FGD3: variants seen among roughly 807,000 people sequenced by gnomAD.
The protein encoded by FGD3 is FYVE, RhoGEF and PH domain containing 3, also known as FYVE, RhoGEF and PH domain-containing protein 3.
FGD3 carries 45 observed loss-of-function variants against 71.8 expected under a neutral mutation model. The ratio of observed to expected loss-of-function variants is 0.63; its 90% CI spans 0.49 to 0.80. The LOEUF (loss-of-function observed/expected upper bound fraction) is 0.80, where lower values mean the gene tolerates loss of function less well. Ranked by LOEUF, FGD3 falls within the 30% of genes least tolerant of loss-of-function variation. FGD3 has a pLI of 0.00. For missense variants in FGD3, 844 were observed against 951.5 expected, an observed-to-expected ratio of 0.89 and a Z score of 1.49; for synonymous variants, 378 against 392.8, an observed-to-expected ratio of 0.96 and a Z score of 0.44.
Position 92,976,358 on chromosome 9 carries a change from G to A in FGD3, c.102G>A (p.Ala34=), listed in dbSNP as rs542375749. The part of the protein sequence containing the change: ...PGSSSLGKLQ[A]LPVGPRAHCG... ...GTTCCTCCCTAGGGAAGCTTCAGGC[G>A]CTCCCTGTTGGGCCCAGAGCCCACT... The change falls in exon 3 of 18, where the codon GCG becomes GCA. Residue 34 remains alanine, a synonymous_variant. Coordinates refer to ENST00000375482, the MANE Select transcript of FGD3 (RefSeq NM_001083536.2). The A allele has an allele frequency of 2.0e-5, 33 of 1,610,332 alleles. No homozygotes were observed. The East Asian group carries it at 2.2e-4, about 11-fold the overall frequency.
At chr9:93,027,623 C>G (rs1043364836) in intron 14 of FGD3, among the ~76,000 whole-genome samples, 1 of 152,058 alleles carries the variant, frequency 6.6e-6, no homozygotes, top group African/African-American at 2.4e-5. Context: ...ATAGTTCAGC[C>G]CATCACAGCC....
chr9:93,007,311 C>G (rs537979819), intron 6 of FGD3, among the ~76,000 whole-genome samples: 1 of 151,718 alleles, frequency 6.6e-6, no homozygotes, highest in East Asian at 1.9e-4. Context: ...CAGGATGTCT[C>G]GATTTCCTGA....
intron 17 of FGD3, among the ~76,000 whole-genome samples, chr9:93,034,959 G>A (rs1258345917): frequency 6.6e-6 from 1 of 152,124 alleles, no homozygotes; most frequent in Non-Finnish European, 1.5e-5. Context: ...CCTGTCAGGG[G>A]AGACTCAGGA....
intron 3 of FGD3, among the ~76,000 whole-genome samples, chr9:92,983,154 C>A (rs569968342): frequency 5.3e-5 from 8 of 152,092 alleles, no homozygotes; most frequent in Non-Finnish European, 1.0e-4. Flanking sequence ...GACAAAAAGT[C>A]TTATGGTGCC....
At chr9:93,001,993 A>G (rs1276597487) in intron 3 of FGD3, among the ~76,000 whole-genome samples, 1 of 152,128 alleles carries the variant, frequency 6.6e-6, no homozygotes, top group African/African-American at 2.4e-5. Context: ...ATGTGAGGGG[A>G]TAGTGTTCAG....
intron 14 of FGD3, among the ~76,000 whole-genome samples, chr9:93,028,218 G>GCACACACACACACGCACA (rs1862204076): frequency 1.4e-5 from 2 of 141,052 alleles, no homozygotes; most frequent in Non-Finnish European, 3.1e-5. Flanking sequence ...ACACACACAC[G>GCACACACACACACGCACA]CACACACACA....
chr9:92,992,097 C>T (rs915765146), intron 3 of FGD3, among the ~76,000 whole-genome samples: 1 of 152,090 alleles, frequency 6.6e-6, no homozygotes, highest in Non-Finnish European at 1.5e-5. Flanking sequence ...GTTTGTTAAT[C>T]CATTCAGCTA....
Position 93,003,958 on chromosome 9 carries a change from TG to T in FGD3, c.544-41del. On this transcript the variant is annotated intron_variant, in intron 4 of 17. Transcript: ENST00000375482. The surrounding 1 kb of genome is among the most constrained non-coding windows in gnomAD (Gnocchi z 4.1). ...GAAGCGGGGCGGCAACTGTGCTCAG[TG>T]GAAGAGGCTCACTGGCCACACGTGG... The T allele has an allele frequency of 6.2e-7, 1 of 1,611,484 alleles. No homozygotes were observed. The highest frequency in any genetic ancestry group is 1.1e-5 in the South Asian group (1 of 91,042).
intron 1 of FGD3, among the ~76,000 whole-genome samples, chr9:92,956,634 T>G (rs1175210434): frequency 6.6e-6 from 1 of 152,132 alleles, no homozygotes; most frequent in Non-Finnish European, 1.5e-5. Context: ...CCTCCTGGAA[T>G]GTGAGAAAGT....
intron 13 of FGD3, among the ~76,000 whole-genome samples, chr9:93,021,853 G>A (rs1861930446): frequency 6.6e-6 from 1 of 152,230 alleles, no homozygotes; most frequent in South Asian, 2.1e-4. Flanking sequence ...TGCCTTGAGT[G>A]GAGGTGACCT....
chr9:92,989,821 G>A (rs1860332637), intron 3 of FGD3, among the ~76,000 whole-genome samples: 1 of 151,764 alleles, frequency 6.6e-6, no homozygotes, highest in Admixed American at 6.6e-5. Context: ...AAAAGGAAAG[G>A]CAGTTTCTTG....
chr9:93,005,942 C>A (rs1861033162), intron 5 of FGD3, 82 bp from the exon 6 acceptor site: 8 of 1,477,140 alleles, frequency 5.4e-6, no homozygotes, highest in African/African-American at 1.4e-5. Context: ...ACCCCACACC[C>A]CCCTGGTGGA....
At position 93,035,548 on chromosome 9, in the gene FGD3, G is replaced by C; in HGVS notation, c.2137G>C (p.Ala713Pro). Reference protein sequence around the residue: ...HGDTAQDSPGALQLQVPMGAA... With the variant: ...HGDTAQDSPGPLQLQVPMGAA... The stretch of plus-strand genomic sequence containing the variant: ...GGACACGGCCCAGGACAGCCCGGGG[G>C]CCCTGCAGCTTCAGGTCCCTATGGG... Residue 713 changes from alanine to proline, a missense_variant, in exon 18 of 18, where the codon GCC (alanine) becomes CCC (proline). Ala to Pro is a conservative substitution (Grantham distance 27, BLOSUM62 -1). Transcript: ENST00000375482. 6.2e-7 allele frequency: 1 copy of C among 1,604,586 alleles called. No individual in the cohort carries two copies. Among genetic ancestry groups the C allele is most frequent in the Non-Finnish European group, 8.5e-7 (1 of 1,177,446 alleles).
intron 3 of FGD3, among the ~76,000 whole-genome samples, chr9:92,981,842 A>T (rs774167613): frequency 1.3e-5 from 2 of 151,766 alleles, no homozygotes; most frequent in Non-Finnish European, 2.9e-5. Context: ...GGCAGCAGTG[A>T]TTCTTTTTTT....
rs543900742 is a variant in FGD3 at position 93,021,461 on chromosome 9, C to T, written c.1495-866C>T. ...TTGGGTGAGGAGGCCGATCTCTGCCCGCTGCGAGGAAGGCCCTGGAGTCAC... is the reference window on the plus strand; with the variant it reads ...TTGGGTGAGGAGGCCGATCTCTGCCTGCTGCGAGGAAGGCCCTGGAGTCAC... On this transcript the variant is annotated intron_variant, in intron 13 of 17. Transcript: ENST00000375482. Among the ~76,000 whole-genome samples the T allele has an allele frequency of 6.6e-5, 10 of 152,240 alleles. No individual in the cohort carries two copies. The South Asian group carries it at 8.3e-4, about 13-fold the overall frequency.
rs761872378 is a variant in FGD3, at chr9:93,020,380, G to T, written c.1450G>T (p.Ala484Ser). ...NSETFKAFGG[A>S]FSQDEDPSLS... ...CGAAACCTTCAAGGCTTTTGGTGGC[G>T]CCTTCAGCCAGGATGAGGACCCCAG... is the stretch of plus-strand genomic sequence containing the variant. The change falls in exon 13 of 18, where the codon GCC (alanine) becomes TCC (serine). Residue 484 changes from alanine (A) to serine (S), a missense_variant. By Grantham distance (99) the Ala-to-Ser change is moderately conservative. Coordinates refer to ENST00000375482, the MANE Select transcript of FGD3 (RefSeq NM_001083536.2). The T allele has an allele frequency of 6.8e-6, 11 of 1,613,470 alleles. No individual in the cohort carries two copies. In the South Asian group the frequency reaches 8.8e-5, roughly 13 times the overall value.
intron 6 of FGD3, 90 bp from the exon 7 acceptor site, chr9:93,010,156 G>T (rs1352292871): frequency 1.3e-6 from 2 of 1,486,248 alleles, no homozygotes; most frequent in African/African-American, 1.4e-5. Context: ...GTTCCGGGCA[G>T]CTTCCTGGGG....
chr9:93,000,019 A>G (rs1587842408), intron 3 of FGD3, among the ~76,000 whole-genome samples: 2 of 146,264 alleles, frequency 1.4e-5, no homozygotes, highest in Admixed American at 6.8e-5. Flanking sequence ...TCCCTCCTTT[A>G]CTCTCTTACT....
intron 3 of FGD3, among the ~76,000 whole-genome samples, chr9:92,997,528 G>C (rs373034603): frequency 6.6e-6 from 1 of 152,128 alleles, no homozygotes; most frequent in African/African-American, 2.4e-5. Flanking sequence ...GATGTTAGCT[G>C]GTTATTTTGC....
Sources: allele counts gnomAD v4.1 joint callset (sites outside exome capture counted in the v4.1 genomes callset), GRCh38; gene constraint gnomAD v4.1.1; non-coding constraint Gnocchi (gnomAD v3.1); transcripts MANE v1.5; gene names NCBI Gene and HGNC (gene_info 2026-07-23, HGNC 2026-07-21).